The following VWDE variants were observed in gnomAD, a reference collection of about 807,000 sequenced individuals.
VWDE encodes the protein von Willebrand factor D and EGF domains, also known as von Willebrand factor D and EGF domain-containing protein.
In VWDE, 207 loss-of-function variants were observed where a neutral mutation model predicts 178.4. The observed-to-expected ratio is 1.16, with a 90% CI of 1.04 to 1.30. VWDE has a LOEUF of 1.30. VWDE is among the 50% of genes most tolerant of loss of function. The pLI is 0.00. For missense variants in VWDE, 2,287 were observed against 1,901.3 expected (o/e 1.20, Z -3.77); for synonymous variants, 738 against 651.4 (o/e 1.13, Z -2.02).
rs1364240787 is a variant in VWDE at position 12,344,231 on chromosome 7, A to C, written c.4042T>G (p.Cys1348Gly). The C allele has an allele frequency of 6.4e-7, 1 of 1,551,334 alleles. No homozygotes were observed. The highest frequency in any genetic ancestry group is 8.7e-7 in the Non-Finnish European group (1 of 1,146,680). Residue 1348 changes from cysteine to glycine, a missense_variant, in exon 21 of 29, where the codon TGT (cysteine) becomes GGT (glycine). Physicochemically the swap from Cys to Gly is radical, Grantham distance 159. Coordinates refer to ENST00000275358, the MANE Select transcript of VWDE (RefSeq NM_001135924.3). ...GTTGCTCCACCATGTCCTGGAAGAC[A>C]CTGACAAATGTTAGGCTTAATACAT... ...GKCIKPNICQ[C>G]LPGHGGATCD...
chr7:12,403,748 G>A lies in VWDE; in HGVS notation c.-32C>T, dbSNP rs549870092. The stretch of plus-strand genomic sequence containing the variant: ...TTCCGCAGGTGGGGCGAAAGGCGTC[G>A]CAGAGCCCGGGCCGCGGGTGCCAGG... On this transcript the variant is annotated 5_prime_UTR_variant, in exon 1 of 29. Coordinates refer to ENST00000275358, the MANE Select transcript of VWDE (RefSeq NM_001135924.3). The A allele has an allele frequency of 6.5e-7, 1 of 1,549,098 alleles. No homozygotes were observed. The highest frequency in any genetic ancestry group is 8.7e-7 in the Non-Finnish European group (1 of 1,145,578).
At chr7:12,391,638 A>G (rs1274589590) in intron 2 of VWDE, among the ~76,000 whole-genome samples, 4 of 152,218 alleles carry the variant, frequency 2.6e-5, no homozygotes, top group African/African-American at 9.6e-5. Context: ...AAGTGTCACA[A>G]AAGCGACTAA....
chr7:12,351,714 C>G lies in VWDE; in HGVS notation c.3746-1G>C, dbSNP rs1781957593. On this transcript the variant is annotated splice_acceptor_variant, in intron 18 of 28. Coordinates refer to ENST00000275358, the MANE Select transcript of VWDE (RefSeq NM_001135924.3). LOFTEE classifies it high-confidence loss of function. The stretch of plus-strand genomic sequence containing the variant: ...AATTGATTTACAAACTGTGTTTCAA[C>G]TGTAAATGAGAACAAGGAAAACAGA... The G allele has an allele frequency of 6.5e-7, 1 of 1,538,820 alleles. No individual in the cohort carries two copies.
At chr7:12,353,308 G>T (rs1220320796) in intron 18 of VWDE, among the ~76,000 whole-genome samples, 3 of 152,118 alleles carry the variant, frequency 2.0e-5, no homozygotes, top group Admixed American at 2.0e-4. Context: ...TTCATATAAG[G>T]ATACTAATTC....
intron 3 of VWDE, among the ~76,000 whole-genome samples, chr7:12,386,504 C>G (rs1784106923): frequency 6.6e-6 from 1 of 152,190 alleles, no homozygotes; most frequent in East Asian, 1.9e-4. Flanking sequence ...CTTTCAAACC[C>G]CCATCTTGTT....
At chr7:12,386,459 A>C (rs1469183687) in intron 3 of VWDE, among the ~76,000 whole-genome samples, 1 of 152,192 alleles carries the variant, frequency 6.6e-6, no homozygotes, top group Non-Finnish European at 1.5e-5. Flanking sequence ...CACACAGAAC[A>C]AAACGCAGAG....
At position 12,336,166 on chromosome 7, in the gene VWDE, G is replaced by A. The variant is rs962762381; in HGVS notation, c.4629C>T (p.Ser1543=). 1.0e-5 allele frequency: 16 copies of A among 1,550,898 alleles called. No individual in the cohort carries two copies. The highest frequency in any genetic ancestry group is 1.4e-5 in the Non-Finnish European group (16 of 1,146,652). The change falls in exon 27 of 29, where the codon TCC becomes TCT. Residue 1543 remains serine (S), a synonymous_variant. Coordinates refer to ENST00000275358, the MANE Select transcript of VWDE (RefSeq NM_001135924.3). ...IAPSICHCPS[S]WEGVRCQIPI... ...GTATTTGACACCGCACTCCTTCCCAGGAGGAAGGACAATGGCATATGCTGG... is the reference window on the plus strand; with the variant it reads ...GTATTTGACACCGCACTCCTTCCCAAGAGGAAGGACAATGGCATATGCTGG...
chr7:12,352,958 T>A (rs185218287), intron 18 of VWDE, among the ~76,000 whole-genome samples: 105 of 152,312 alleles, frequency 6.9e-4, no homozygotes, highest in African/African-American at 2.4e-3. Context: ...ATTCTAAGAT[T>A]TATATTTTCA....
chr7:12,390,463 A>G (rs1784334727), intron 2 of VWDE, among the ~76,000 whole-genome samples: 1 of 151,944 alleles, frequency 6.6e-6, no homozygotes, highest in African/African-American at 2.4e-5. Flanking sequence ...AAAAATCGTT[A>G]GCCAGGTTAT....
intron 5 of VWDE, 72 bp from the exon 6 acceptor site, chr7:12,379,638 A>C (rs1783730527): frequency 9.2e-7 from 1 of 1,088,114 alleles, no homozygotes; most frequent in African/African-American, 1.6e-5. Context: ...ATCACTTTTA[A>C]AATCCTAAAT....
chr7:12,345,426 G>A (rs1456569827), intron 19 of VWDE, among the ~76,000 whole-genome samples: 1 of 152,058 alleles, frequency 6.6e-6, no homozygotes, highest in Non-Finnish European at 1.5e-5. Context: ...AATACCCAAA[G>A]GGGCAGCGTC....
At chr7:12,332,403 G>A (rs3815525) in intron 28 of VWDE, among the ~76,000 whole-genome samples, 98,449 of 151,438 alleles carry the variant, frequency 0.65, 32,918 homozygotes, top group African/African-American at 0.83. Flanking sequence ...AAGATGATTT[G>A]CTATTGATCA....
In VWDE at chr7:12,380,694, C is replaced by T; in HGVS notation, c.581G>A (p.Arg194Lys). The T allele has an allele frequency of 6.4e-7, 1 of 1,551,934 alleles. No homozygotes were observed. Among genetic ancestry groups the T allele is most frequent in the Non-Finnish European group, 8.7e-7 (1 of 1,147,034 alleles). Residue 194 changes from arginine (R) to lysine (K), a missense_variant, in exon 5 of 29, where the codon AGG becomes AAG. Coordinates refer to ENST00000275358, the MANE Select transcript of VWDE (RefSeq NM_001135924.3). ...AATCAACTCCACCAGAACCTCTGGC[C>T]TTCCTGCAGGTGGAGGTGGCAATGA... ...AASLPPPPAG[R>K]PEVLVELIES...
chr7:12,341,353 G>A (rs75624487), intron 23 of VWDE, among the ~76,000 whole-genome samples: 2,597 of 152,224 alleles, frequency 0.017, 71 homozygotes, highest in African/African-American at 0.06. Flanking sequence ...ACAAGCTTAC[G>A]CCGGGCGCAG....
chr7:12,371,528 C>T (rs893613907), intron 10 of VWDE, among the ~76,000 whole-genome samples: 3 of 152,160 alleles, frequency 2.0e-5, no homozygotes, highest in South Asian at 2.1e-4. Flanking sequence ...ACTGAAGATA[C>T]ACAACTGTGT....
At chr7:12,350,925 A>C (rs991530088) in intron 19 of VWDE, among the ~76,000 whole-genome samples, 1 of 152,124 alleles carries the variant, frequency 6.6e-6, no homozygotes, top group African/African-American at 2.4e-5. Flanking sequence ...TGCAAAAAAC[A>C]ATTATTGTCT....
Position 12,377,856 on chromosome 7 carries a change from G to T in VWDE, c.944C>A (p.Thr315Lys). 1 of 1,527,844 alleles carries T rather than the reference G, an allele frequency of 6.5e-7. No individual in the cohort carries two copies. The allele number at this position is 1,527,844 out of a possible 1,614,324, so 94.6% of individuals were successfully genotyped here. ...GKEYYLRIES[T>K]VPIICSEFSE... ...AAATTCAGAACAAATAATAGGAACTGTGCTTTCTATCCTCAGGTAGTATTC... is the reference window on the plus strand; with the variant it reads ...AAATTCAGAACAAATAATAGGAACTTTGCTTTCTATCCTCAGGTAGTATTC... Residue 315 changes from threonine to lysine, a missense_variant, in exon 7 of 29, where the codon ACA becomes AAA. Coordinates refer to ENST00000275358, the MANE Select transcript of VWDE (RefSeq NM_001135924.3).
intron 7 of VWDE, 43 bp from the exon 8 acceptor site, chr7:12,375,270 T>G: frequency 7.4e-7 from 1 of 1,343,156 alleles, no homozygotes; most frequent in Non-Finnish European, 1.0e-6. Context: ...CAAGAGAATA[T>G]ACTAACCAAA....
intron 23 of VWDE, 52 bp downstream of exon 23, chr7:12,342,007 G>A (rs1394274486): frequency 5.0e-6 from 7 of 1,403,920 alleles, no homozygotes; most frequent in Non-Finnish European, 6.9e-6. Context: ...CAGGACATTG[G>A]CATATTTTAA....
Sources: gnomAD v4.1 joint callset for allele counts (sites outside exome capture counted in the v4.1 genomes callset) on GRCh38, gnomAD v4.1.1 for gene constraint, MANE v1.5 for transcripts, NCBI Gene and HGNC (gene_info 2026-07-23, HGNC 2026-07-21) for gene names.